Variants in ACADSB observed in about 807,000 individuals in gnomAD.
ACADSB encodes the protein short/branched chain specific acyl-CoA dehydrogenase, mitochondrial.
ACADSB carries 40 observed loss-of-function variants against 54.1 expected under a neutral mutation model. The observed-to-expected ratio is 0.74, with a 90% confidence interval of 0.57 to 0.96. The LOEUF (loss-of-function observed/expected upper bound fraction) is 0.96, where lower values mean the gene tolerates loss of function less well. Among genes scored for constraint, ACADSB ranks in the 40% least tolerant of loss-of-function variants. The pLI is 0.00. For missense variants in ACADSB, 530 were observed against 510.4 expected (o/e 1.04, Z -0.37); for synonymous variants, 182 against 182.8 (o/e 1.00, Z 0.03).
At position 123,054,179 on chromosome 10, in the gene ACADSB, A is replaced by G. The variant is rs1208476153; in HGVS notation, c.*414A>G. On this transcript the variant is annotated 3_prime_UTR_variant, in exon 11 of 11. Coordinates refer to ENST00000358776, the MANE Select transcript of ACADSB (RefSeq NM_001609.4). ...GTAGCTGGAACTACAGGTGTGCACC[A>G]CCATGCCTGGTTCATTTTTGTGTTT... is the stretch of plus-strand genomic sequence containing the variant. The G allele has an allele frequency of 5.2e-6, 1 of 193,044 alleles. No homozygotes were observed. The highest frequency in any genetic ancestry group is 1.2e-4 in the East Asian group (1 of 8,232). The allele number at this position is 193,044 out of a possible 1,614,324, so 12.0% of individuals were successfully genotyped here. A position where few individuals can be genotyped will look rare whatever the true frequency, so the allele number is the denominator to read the frequency against.
At chr10:123,009,383 G>GTCTGGATC (rs969733955) in intron 1 of ACADSB, among the ~76,000 whole-genome samples, 1 of 152,056 alleles carries the variant, frequency 6.6e-6, no homozygotes, top group Non-Finnish European at 1.5e-5. Context: ...GAGCCACCGA[G>GTCTGGATC]TCTGGATCTC....
intron 1 of ACADSB, among the ~76,000 whole-genome samples, chr10:123,011,549 C>A (rs138626376): frequency 6.9e-6 from 1 of 144,210 alleles, no homozygotes; most frequent in African/African-American, 2.6e-5. Context: ...TTTTTTGAGA[C>A]GGAGTCTTAC....
At chr10:123,032,107 G>A (rs1042352640) in intron 1 of ACADSB, among the ~76,000 whole-genome samples, 1 of 151,932 alleles carries the variant, frequency 6.6e-6, no homozygotes, top group Non-Finnish European at 1.5e-5. Flanking sequence ...AGCCTCCCGA[G>A]TAGCTGGGAT....
chr10:123,034,506 A>C lies in ACADSB; in HGVS notation c.193A>C (p.Lys65Gln). 6.2e-7 allele frequency: 1 copy of C among 1,608,418 alleles called. No homozygotes were observed. The highest frequency in any genetic ancestry group is 1.1e-5 in the South Asian group (1 of 91,076). ...ATTTACAGATGAGGAAATGATGATA[A>C]AGAGTTCAGGTAAGTAAATTTATCA... ...QTFTDEEMMI[K>Q]SSVKKFAQEQ... Residue 65 changes from lysine (K) to glutamine (Q), a missense_variant, in exon 2 of 11, where the codon AAG becomes CAG. By Grantham distance (53) the Lys-to-Gln change is moderately conservative. Coordinates refer to ENST00000358776, the MANE Select transcript of ACADSB (RefSeq NM_001609.4).
intron 2 of ACADSB, among the ~76,000 whole-genome samples, chr10:123,035,171 T>C (rs570323370): frequency 6.6e-6 from 1 of 152,278 alleles, no homozygotes; most frequent in South Asian, 2.1e-4. Context: ...TTAGTCAGGA[T>C]GGTCTCGATC....
chr10:123,036,989 A>T (rs1161244554), intron 2 of ACADSB, among the ~76,000 whole-genome samples: 1 of 152,258 alleles, frequency 6.6e-6, no homozygotes, highest in African/African-American at 2.4e-5. Context: ...ATGATTTATA[A>T]ATGCATCTAA....
At chr10:123,028,542 A>G (rs1052311019) in intron 1 of ACADSB, among the ~76,000 whole-genome samples, 3 of 152,072 alleles carry the variant, frequency 2.0e-5, no homozygotes, top group Admixed American at 1.3e-4. Context: ...GCACACCTGG[A>G]GTCATAGCTA....
intron 1 of ACADSB, among the ~76,000 whole-genome samples, chr10:123,017,306 T>G (rs1224800329): frequency 1.3e-5 from 2 of 152,164 alleles, no homozygotes; most frequent in African/African-American, 4.8e-5. Flanking sequence ...GCCCAACTCC[T>G]TTACCTTATA....
chr10:123,025,935 C>T (rs1170580804), intron 1 of ACADSB, among the ~76,000 whole-genome samples: 2 of 152,066 alleles, frequency 1.3e-5, no homozygotes, highest in Non-Finnish European at 2.9e-5. Flanking sequence ...GTGGTGTGCA[C>T]CTGTAATCCC....
At chr10:123,037,078 A>G (rs1001148593) in intron 2 of ACADSB, among the ~76,000 whole-genome samples, 1 of 152,262 alleles carries the variant, frequency 6.6e-6, no homozygotes, top group Non-Finnish European at 1.5e-5. Flanking sequence ...AGCAACATTT[A>G]GAGACATTTT....
intron 1 of ACADSB, among the ~76,000 whole-genome samples, chr10:123,016,611 A>C (rs1850112287): frequency 6.6e-6 from 1 of 152,224 alleles, no homozygotes; most frequent in Admixed American, 6.5e-5. Context: ...AAGAGCTATA[A>C]ATGCTAGCCA....
intron 1 of ACADSB, among the ~76,000 whole-genome samples, chr10:123,021,171 C>T (rs775751681): frequency 3.9e-5 from 6 of 152,192 alleles, no homozygotes; most frequent in African/African-American, 7.2e-5. Flanking sequence ...CCAAATTTCA[C>T]CCCTGCATTA....
intron 1 of ACADSB, chr10:123,027,703 C>T (rs7912306): frequency 0.15 from 49,037 of 327,848 alleles, 4,347 homozygotes; most frequent in South Asian, 0.22. Flanking sequence ...TCCCATACAA[C>T]GGGTGTGTAT....
intron 1 of ACADSB, among the ~76,000 whole-genome samples, chr10:123,025,533 G>A (rs1046895763): frequency 6.6e-6 from 1 of 152,018 alleles, no homozygotes; most frequent in African/African-American, 2.4e-5. Flanking sequence ...AACTATAAGC[G>A]AAGTCAAAAG....
chr10:123,053,884 A>G lies in ACADSB; in HGVS notation c.*119A>G. 1.0e-6 allele frequency: 1 copy of G among 961,684 alleles called. No homozygotes were observed. Among genetic ancestry groups the G allele is most frequent in the Non-Finnish European group, 1.7e-6 (1 of 605,738 alleles). The allele number at this position is 961,684 out of a possible 1,614,324, so 59.6% of individuals were successfully genotyped here. A position where few individuals can be genotyped will look rare whatever the true frequency, so the allele number is the denominator to read the frequency against. On this transcript the variant is annotated 3_prime_UTR_variant, in exon 11 of 11. Coordinates refer to ENST00000358776, the MANE Select transcript of ACADSB (RefSeq NM_001609.4). ...ACTTCCACAGCATTCGAATATTTTAATGAAGCCCTTAGTCAGGGTCCTGGT... is the reference window on the plus strand; with the variant it reads ...ACTTCCACAGCATTCGAATATTTTAGTGAAGCCCTTAGTCAGGGTCCTGGT...
chr10:123,026,251 C>T (rs1016361327), intron 1 of ACADSB, among the ~76,000 whole-genome samples: 1 of 152,122 alleles, frequency 6.6e-6, no homozygotes, highest in Non-Finnish European at 1.5e-5. Flanking sequence ...AATCAGTAGC[C>T]ACAGGGAAAA....
At position 123,052,818 on chromosome 10, in the gene ACADSB, A is replaced by C. The variant is rs1850649299; in HGVS notation, c.1129-243A>C. 2 of 527,050 alleles carry C rather than the reference A, an allele frequency of 3.8e-6. No homozygotes were observed. The highest frequency in any genetic ancestry group is 4.0e-5 in the South Asian group (2 of 50,606). The allele number at this position is 527,050 out of a possible 1,614,324, so 32.6% of individuals were successfully genotyped here. A position where few individuals can be genotyped will look rare whatever the true frequency, so the allele number is the denominator to read the frequency against. On this transcript the variant is annotated intron_variant, in intron 9 of 10. Transcript: ENST00000358776. The surrounding 1 kb of genome is among the most constrained non-coding windows in gnomAD (Gnocchi z 4.2). Reference sequence around the variant, plus strand: ...TCCTGAATAAATGATATCTCTCAGCATGCAGATTCATGTGAACAATGCTCT... The same window carrying C: ...TCCTGAATAAATGATATCTCTCAGCCTGCAGATTCATGTGAACAATGCTCT...
At position 123,012,718 on chromosome 10, in the gene ACADSB, A is replaced by G. The variant is rs1850053128; in HGVS notation, c.42+3647A>G. ...TCGCTGGCTTCAGGAGTGAAGCTGCAGACCTTCGCGGTGAGTGTTACAGCT... is the reference window on the plus strand; with the variant it reads ...TCGCTGGCTTCAGGAGTGAAGCTGCGGACCTTCGCGGTGAGTGTTACAGCT... On this transcript the variant is annotated intron_variant, in intron 1 of 10. Coordinates refer to ENST00000358776, the MANE Select transcript of ACADSB (RefSeq NM_001609.4). 3.3e-5 allele frequency among the ~76,000 whole-genome samples: 5 copies of G among 152,012 alleles called. No homozygotes were observed. The South Asian group carries it at 1.0e-3, about 32-fold the overall frequency.
intron 7 of ACADSB, among the ~76,000 whole-genome samples, chr10:123,045,336 G>A (rs1850547488): frequency 7.7e-5 from 2 of 25,992 alleles, no homozygotes; most frequent in African/African-American, 3.5e-4. Flanking sequence ...CCGCCACCAC[G>A]CCCAGCCAAT....
Sources: allele counts gnomAD v4.1 joint callset (sites outside exome capture counted in the v4.1 genomes callset), GRCh38; gene constraint gnomAD v4.1.1; non-coding constraint Gnocchi (gnomAD v3.1); transcripts MANE v1.5; gene names NCBI Gene and HGNC (gene_info 2026-07-23, HGNC 2026-07-21).